Variants in SRGAP2B observed in about 807,000 individuals in gnomAD.
SRGAP2B encodes the protein SLIT-ROBO Rho GTPase-activating protein 2B.
A neutral mutation model predicts 22.2 loss-of-function variants in SRGAP2B; 9 were observed. The ratio of observed to expected loss-of-function variants is 0.41; its 90% CI spans 0.24 to 0.71. The LOEUF (loss-of-function observed/expected upper bound fraction) is 0.71, where lower values mean the gene tolerates loss of function less well. Ranked by LOEUF, SRGAP2B falls within the 30% of genes least tolerant of loss-of-function variation. The probability of loss-of-function intolerance (pLI) is 0.35; values close to 1 mark genes in which losing one functional copy is unlikely to be tolerated. For missense variants in SRGAP2B, 114 were observed against 235.8 expected, an observed-to-expected ratio of 0.48 and a Z score of 3.38; for synonymous variants, 36 against 87.4, an observed-to-expected ratio of 0.41 and a Z score of 3.28.
chr1:145,001,946 C>T (rs1443519117), intron 2 of SRGAP2B, among the ~76,000 whole-genome samples: 6 of 146,768 alleles, frequency 4.1e-5, no homozygotes, highest in South Asian at 2.1e-4. Context: ...TGCTTGAGCC[C>T]AGGAGGTCAA....
intron 3 of SRGAP2B, among the ~76,000 whole-genome samples, chr1:144,959,213 C>T (rs1371443740): frequency 6.7e-6 from 1 of 149,480 alleles, no homozygotes; most frequent in Non-Finnish European, 1.5e-5. Context: ...AATCAACATG[C>T]TTAATATCAT....
intron 7 of SRGAP2B, among the ~76,000 whole-genome samples, chr1:144,904,231 G>C (rs1373485623): frequency 2.0e-5 from 3 of 149,310 alleles, no homozygotes; most frequent in African/African-American, 7.5e-5. Flanking sequence ...TCCTTATCTA[G>C]CAACTGGAGA....
intron 1 of SRGAP2B, among the ~76,000 whole-genome samples, chr1:145,094,041 G>A (rs1224996874): frequency 1.4e-5 from 2 of 141,884 alleles, no homozygotes; most frequent in African/African-American, 5.5e-5. Context: ...GCAGGAAACG[G>A]GTTAGAGGAT....
chr1:144,924,515 C>CG (rs1287374969), intron 4 of SRGAP2B, among the ~76,000 whole-genome samples: 3 of 149,698 alleles, frequency 2.0e-5, no homozygotes, highest in Non-Finnish European at 3.0e-5. Context: ...CCGAGGCGGG[C>CG]GGATCACGAG....
chr1:145,021,678 G>C (rs1343210364), intron 2 of SRGAP2B, among the ~76,000 whole-genome samples: 2 of 148,306 alleles, frequency 1.3e-5, no homozygotes, highest in Non-Finnish European at 3.0e-5. Context: ...GCCGGGTGTG[G>C]TGGCACATGC....
At chr1:144,990,638 G>A (rs1469531878) in intron 3 of SRGAP2B, among the ~76,000 whole-genome samples, 6 of 147,142 alleles carry the variant, frequency 4.1e-5, no homozygotes, top group Non-Finnish European at 8.9e-5. Context: ...AGCTTGCAGG[G>A]AGGTGTGGAG....
intron 3 of SRGAP2B, among the ~76,000 whole-genome samples, chr1:144,972,638 A>G (rs1316818013): frequency 1.5e-5 from 2 of 135,070 alleles, no homozygotes; most frequent in Non-Finnish European, 3.1e-5. Context: ...TGCCTTTCAA[A>G]TCAGCATGTC....
intron 4 of SRGAP2B, among the ~76,000 whole-genome samples, chr1:144,944,602 A>C: frequency 6.7e-6 from 1 of 149,224 alleles, no homozygotes. Context: ...AAAAAAAAAA[A>C]AAAAAAAAAA....
chr1:145,088,875 T>C lies in SRGAP2B; in HGVS notation c.67+3960A>G, dbSNP rs587609446. 8.9e-3 allele frequency among the ~76,000 whole-genome samples: 1,244 copies of C among 139,898 alleles called. 9 individuals carry two copies. Among genetic ancestry groups the C allele is most frequent in the Non-Finnish European group, 0.014 (887 of 64,416 alleles). 91.8% of individuals were successfully genotyped at this position (139,898 alleles called of 152,430 possible). A position where few individuals can be genotyped will look rare whatever the true frequency, so the allele number is the denominator to read the frequency against. The stretch of plus-strand genomic sequence containing the variant: ...GCCCTCCCCATACCTGCAGGTTCCA[T>C]ATCTGCAGATTCAACCAAATGGGAA... On this transcript the variant is annotated intron_variant, in intron 2 of 9. Transcript: ENST00000612199.
intron 4 of SRGAP2B, among the ~76,000 whole-genome samples, chr1:144,933,413 G>A (rs1665358879): frequency 6.7e-6 from 1 of 148,502 alleles, no homozygotes. Context: ...AATATAAGAG[G>A]GGTGTACCCT....
At chr1:145,057,065 C>T in intron 2 of SRGAP2B, among the ~76,000 whole-genome samples, 1 of 138,338 alleles carries the variant, frequency 7.2e-6, no homozygotes, top group African/African-American at 2.7e-5. Context: ...ATCCATAAAG[C>T]AATCATTTCT....
intron 3 of SRGAP2B, among the ~76,000 whole-genome samples, chr1:144,985,035 G>C (rs1171747545): frequency 1.5e-5 from 2 of 129,190 alleles, no homozygotes; most frequent in African/African-American, 6.4e-5. Flanking sequence ...TTAAAGCTTT[G>C]TTCAAATCTC....
chr1:145,090,491 G>A (rs587637068), intron 2 of SRGAP2B, among the ~76,000 whole-genome samples: 1 of 149,886 alleles, frequency 6.7e-6, no homozygotes, highest in South Asian at 2.1e-4. Context: ...TCCCTGGGTT[G>A]AGGTAAGGAT....
chr1:144,976,193 C>G (rs1489746957), intron 3 of SRGAP2B, among the ~76,000 whole-genome samples: 2 of 146,886 alleles, frequency 1.4e-5, no homozygotes, highest in African/African-American at 5.4e-5. Flanking sequence ...GTTAGTAATT[C>G]TGAAACAACT....
At chr1:144,997,346 G>C (rs1242011717) in intron 2 of SRGAP2B, among the ~76,000 whole-genome samples, 1 of 150,834 alleles carries the variant, frequency 6.6e-6, no homozygotes, top group African/African-American at 2.5e-5. Flanking sequence ...TGCGAGAATG[G>C]CGTGAACCCG....
At chr1:144,927,163 G>C (rs1664795880) in intron 4 of SRGAP2B, among the ~76,000 whole-genome samples, 1 of 149,052 alleles carries the variant, frequency 6.7e-6, no homozygotes. Context: ...TGTTATCCAG[G>C]ATGGTCTCAA....
chr1:144,892,678 A>G (rs1452008511), intron 9 of SRGAP2B, among the ~76,000 whole-genome samples: 23 of 149,176 alleles, frequency 1.5e-4, no homozygotes, highest in African/African-American at 5.3e-4. Context: ...AATATTATAT[A>G]ACAATATTGT....
chr1:145,061,551 G>A lies in SRGAP2B; in HGVS notation c.67+31284C>T, dbSNP rs1324955233. 5.4e-5 allele frequency among the ~76,000 whole-genome samples: 8 copies of A among 148,256 alleles called. 1 individual carries two copies. Among genetic ancestry groups the A allele is most frequent in the Non-Finnish European group, 8.9e-5 (6 of 67,344 alleles). ...ATCCACACTTTAAGAAAAAGCCCTGGCCCACATAAAAAGATTTGTGAATAT... is the reference window on the plus strand; with the variant it reads ...ATCCACACTTTAAGAAAAAGCCCTGACCCACATAAAAAGATTTGTGAATAT... On this transcript the variant is annotated intron_variant, in intron 2 of 9. Transcript: ENST00000612199.
chr1:144,955,388 A>T (rs1319242461), intron 4 of SRGAP2B, 51 bp downstream of exon 4: 96 of 1,394,606 alleles, frequency 6.9e-5, no homozygotes, highest in Non-Finnish European at 9.4e-5. Flanking sequence ...GGATTTTAAA[A>T]ATTGTGTCAT....
Sources: allele counts gnomAD v4.1 joint callset (sites outside exome capture counted in the v4.1 genomes callset), GRCh38; gene constraint gnomAD v4.1.1; transcripts MANE v1.5; gene names NCBI Gene and HGNC (gene_info 2026-07-23, HGNC 2026-07-21).